The following LINGO2 variants were observed in gnomAD, a reference collection of about 807,000 sequenced individuals.
The protein encoded by LINGO2 is leucine-rich repeat and immunoglobulin-like domain-containing nogo receptor-interacting protein 2.
Under a neutral mutation model 30.6 loss-of-function variants are expected in LINGO2, and 14 were observed. That is an observed-to-expected ratio of 0.46 (90% CI 0.30 to 0.72). The LOEUF (loss-of-function observed/expected upper bound fraction) is 0.72. LINGO2 is among the 30% of genes least tolerant of loss of function. The probability of loss-of-function intolerance (pLI) is 0.07; values close to 1 mark genes in which losing one functional copy is unlikely to be tolerated. For missense variants in LINGO2, 729 were observed against 751.7 expected (o/e 0.97, Z 0.35); for synonymous variants, 317 against 288.5 (o/e 1.10, Z -1.00).
At chr9:28,258,597 C>A (rs972940921) in intron 4 of LINGO2, among the ~76,000 whole-genome samples, 1 of 151,848 alleles carries the variant, frequency 6.6e-6, no homozygotes, top group Non-Finnish European at 1.5e-5. Context: ...TAAAAAATAC[C>A]TTTTAAAGAA....
intron 2 of LINGO2, among the ~76,000 whole-genome samples, chr9:28,415,001 T>C (rs981125183): frequency 2.0e-5 from 3 of 152,050 alleles, no homozygotes; most frequent in African/African-American, 7.2e-5. Context: ...AAAGATAACA[T>C]TGTAGAAAAT....
chr9:28,452,118 T>A (rs16913097), intron 2 of LINGO2, among the ~76,000 whole-genome samples: 1,913 of 151,922 alleles, frequency 0.013, 34 homozygotes, highest in African/African-American at 0.043. Flanking sequence ...TTAAGATGGA[T>A]GAAAAGTGAC....
At chr9:28,858,323 C>T in the LINGO2 span, among the ~76,000 whole-genome samples, 2 of 151,994 alleles carry the variant, frequency 1.3e-5, no homozygotes, top group African/African-American at 4.8e-5. Context: ...ATTTAAGAAT[C>T]ACTTGGGAAG....
At chr9:27,977,360 T>A (rs1820648334) in intron 5 of LINGO2, among the ~76,000 whole-genome samples, 1 of 151,758 alleles carries the variant, frequency 6.6e-6, no homozygotes. Context: ...ACTAATTAAT[T>A]ACTTCAGGTG....
At chr9:28,606,026 T>C (rs1205727719) in intron 1 of LINGO2, among the ~76,000 whole-genome samples, 1 of 149,706 alleles carries the variant, frequency 6.7e-6, no homozygotes, top group Admixed American at 6.7e-5. Flanking sequence ...TAGAATCTCA[T>C]GAAATAACAA....
chr9:28,261,076 C>A (rs1476951335), intron 4 of LINGO2, among the ~76,000 whole-genome samples: 1 of 151,860 alleles, frequency 6.6e-6, no homozygotes, highest in African/African-American at 2.4e-5. Flanking sequence ...TTATTTTTTA[C>A]TGCTTAATTA....
rs139722084 is a variant in LINGO2, at chr9:28,266,136, C to T, written c.-87+29072G>A. Among the ~76,000 whole-genome samples, 46 of 152,006 alleles carry T rather than the reference C, an allele frequency of 3.0e-4. 1 individual carries two copies. The East Asian group carries it at 8.4e-3, about 28-fold the overall frequency. ...ACTATGCATCATTTCAAGATGCTTCCGAAGTTCTACCTTGCTAAAGCTTTC... is the reference window on the plus strand; with the variant it reads ...ACTATGCATCATTTCAAGATGCTTCTGAAGTTCTACCTTGCTAAAGCTTTC... On this transcript the variant is annotated intron_variant, in intron 4 of 5. Transcript: ENST00000379992.
the LINGO2 span, among the ~76,000 whole-genome samples, chr9:28,760,530 T>C: frequency 6.6e-6 from 1 of 152,048 alleles, no homozygotes; most frequent in Non-Finnish European, 1.5e-5. Flanking sequence ...CCATAAGTTA[T>C]TGGGATACAG....
At chr9:28,821,480 G>A in the LINGO2 span, among the ~76,000 whole-genome samples, 1 of 152,242 alleles carries the variant, frequency 6.6e-6, no homozygotes, top group African/African-American at 2.4e-5. Context: ...TACAGATCAC[G>A]GAAATTTGCA....
the LINGO2 span, among the ~76,000 whole-genome samples, chr9:29,068,488 A>G: frequency 5.3e-5 from 8 of 151,834 alleles, no homozygotes; most frequent in African/African-American, 1.9e-4. Flanking sequence ...CAATGTCAAT[A>G]TAAGTATATC....
chr9:28,316,571 A>G (rs1233116365), intron 3 of LINGO2, among the ~76,000 whole-genome samples: 1 of 152,198 alleles, frequency 6.6e-6, no homozygotes. Flanking sequence ...AAGAAGTTAC[A>G]AAAAAGATCA....
chr9:28,520,210 G>A (rs10757754), intron 1 of LINGO2, among the ~76,000 whole-genome samples: 55,134 of 151,870 alleles, frequency 0.36, 10,306 homozygotes, highest in South Asian at 0.48. Context: ...ATACTGAGTA[G>A]AAACTGATAT....
At chr9:29,205,216 A>G in the LINGO2 span, among the ~76,000 whole-genome samples, 2 of 151,880 alleles carry the variant, frequency 1.3e-5, no homozygotes, top group Non-Finnish European at 2.9e-5. Flanking sequence ...AATTTTTGTT[A>G]TTTTTAGTAG....
Position 27,957,113 on chromosome 9 carries a change from C to G in LINGO2, c.-35-6407G>C, listed in dbSNP as rs201370370. 3.2e-4 allele frequency among the ~76,000 whole-genome samples: 49 copies of G among 152,090 alleles called. No homozygotes were observed. In the East Asian group the frequency reaches 6.4e-3, roughly 20 times the overall value. ...CTCTACAAAAATATAAATAAGTAAA[C>G]AAAAATAAAAATAAATACTTTCTTT... On this transcript the variant is annotated intron_variant, in intron 5 of 5. Transcript: ENST00000379992.
chr9:28,036,375 C>A (rs368159437), intron 4 of LINGO2, among the ~76,000 whole-genome samples: 8 of 152,156 alleles, frequency 5.3e-5, no homozygotes, highest in East Asian at 1.9e-4. Context: ...GAACAGGCTG[C>A]AGACACACAT....
intron 1 of LINGO2, among the ~76,000 whole-genome samples, chr9:28,663,527 A>C (rs575049356): frequency 6.6e-6 from 1 of 152,292 alleles, no homozygotes; most frequent in African/African-American, 2.4e-5. Flanking sequence ...CATGCAACAA[A>C]GGCAAACAAC....
At chr9:28,301,083 G>A (rs1448233644) in intron 3 of LINGO2, among the ~76,000 whole-genome samples, 1 of 152,084 alleles carries the variant, frequency 6.6e-6, no homozygotes, top group African/African-American at 2.4e-5. Context: ...ATGCCTCAGA[G>A]CCAAGTGTAT....
chr9:28,852,870 T>G, the LINGO2 span, among the ~76,000 whole-genome samples: 4 of 152,058 alleles, frequency 2.6e-5, no homozygotes, highest in African/African-American at 9.7e-5. Context: ...CAAGTAAAAT[T>G]TCAGTAAGCC....
intron 1 of LINGO2, among the ~76,000 whole-genome samples, chr9:28,604,028 G>A (rs953181283): frequency 5.3e-5 from 8 of 151,618 alleles, no homozygotes; most frequent in East Asian, 1.9e-4. Flanking sequence ...TTTTTCTTCC[G>A]CAGATTTTCA....
Sources: allele counts gnomAD v4.1 joint callset (sites outside exome capture counted in the v4.1 genomes callset), GRCh38; gene constraint gnomAD v4.1.1; transcripts MANE v1.5; gene names NCBI Gene and HGNC (gene_info 2026-07-23, HGNC 2026-07-21).